Variants in CORIN observed in about 807,000 individuals in gnomAD.
CORIN encodes corin, serine peptidase, also known as atrial natriuretic peptide-converting enzyme.
In CORIN, 117 loss-of-function variants were observed where a neutral mutation model predicts 125.3. The ratio of observed to expected loss-of-function variants is 0.93; its 90% CI spans 0.80 to 1.09. The LOEUF is 1.09. CORIN is among the 50% of genes least tolerant of loss of function. The pLI is 0.00. For synonymous variants in CORIN, 450 were observed against 466.4 expected (o/e 0.96, Z 0.45); for missense variants, 1,253 against 1,306.7 (o/e 0.96, Z 0.63).
At chr4:47,662,001 G>C in intron 11 of CORIN, 145 bp from the exon 12 acceptor site, 1 of 749,300 alleles carries the variant, frequency 1.3e-6, no homozygotes, top group Non-Finnish European at 2.0e-6. Context: ...ATATATGATA[G>C]GTATTTGGGA....
chr4:47,767,874 T>C (rs1577905829), intron 3 of CORIN, among the ~76,000 whole-genome samples: 1 of 152,124 alleles, frequency 6.6e-6, no homozygotes, highest in African/African-American at 2.4e-5. Context: ...GACTGACTCA[T>C]GAAAAATCAG....
Position 47,594,572 on chromosome 4 carries a change from AT to A in CORIN, c.*1148del, listed in dbSNP as rs1331658330. Reference sequence around the variant, plus strand: ...AATGAGAAGAAACCAGATATTAAACATCTTTTGAGGAAAATTACAAAATGTT... The same window carrying A: ...AATGAGAAGAAACCAGATATTAAACACTTTTGAGGAAAATTACAAAATGTT... On this transcript the variant is annotated 3_prime_UTR_variant, in exon 22 of 22. Coordinates refer to ENST00000273857, the MANE Select transcript of CORIN (RefSeq NM_006587.4). 6.6e-6 allele frequency: 1 copy of A among 152,322 alleles called. No homozygotes were observed. Among genetic ancestry groups the A allele is most frequent in the Non-Finnish European group, 1.5e-5 (1 of 68,020 alleles). 9.4% of individuals were successfully genotyped at this position (152,322 alleles called of 1,614,324 possible). A position where few individuals can be genotyped will look rare whatever the true frequency, so the allele number is the denominator to read the frequency against.
chr4:47,632,725 T>TGATAGATAGATAGATA lies in CORIN; in HGVS notation c.2199-6220_2199-6205dup, dbSNP rs1553905875. Among the ~76,000 whole-genome samples, 617 of 126,756 alleles carry TGATAGATAGATAGATA rather than the reference T, an allele frequency of 4.9e-3. 4 individuals carry two copies. Among genetic ancestry groups the TGATAGATAGATAGATA allele is most frequent in the South Asian group, 6.5e-3 (26 of 4,012 alleles). The allele number at this position is 126,756 out of a possible 152,430, so 83.2% of individuals were successfully genotyped here. A position where few individuals can be genotyped will look rare whatever the true frequency, so the allele number is the denominator to read the frequency against. On this transcript the variant is annotated intron_variant, in intron 16 of 21. Transcript: ENST00000273857. ...TATTGCAATCCTAACTGACAATAGA[T>TGATAGATAGATAGATA]GATAGATAGATAGATAGATAGATAG... is the stretch of plus-strand genomic sequence containing the variant.
chr4:47,790,067 A>T (rs1386279325), intron 2 of CORIN, among the ~76,000 whole-genome samples: 1 of 152,216 alleles, frequency 6.6e-6, no homozygotes, highest in Non-Finnish European at 1.5e-5. Context: ...CCCAAAGTAG[A>T]GTATTTATTC....
chr4:47,596,617 C>T (rs1721259750), intron 21 of CORIN, among the ~76,000 whole-genome samples: 1 of 152,056 alleles, frequency 6.6e-6, no homozygotes, highest in Non-Finnish European at 1.5e-5. Context: ...TTAGAGATAG[C>T]AATACTTGCT....
chr4:47,805,514 C>A (rs1731756300), intron 2 of CORIN, among the ~76,000 whole-genome samples: 1 of 152,126 alleles, frequency 6.6e-6, no homozygotes, highest in African/African-American at 2.4e-5. Flanking sequence ...AGAGTCAGAG[C>A]CCCGAACTGG....
At chr4:47,699,274 T>C (rs746774352) in intron 5 of CORIN, among the ~76,000 whole-genome samples, 19 of 152,208 alleles carry the variant, frequency 1.2e-4, no homozygotes, top group Non-Finnish European at 2.6e-4. Flanking sequence ...ATCCCATCAT[T>C]AAATGTGGCT....
intron 21 of CORIN, among the ~76,000 whole-genome samples, chr4:47,599,654 T>C (rs1355715386): frequency 6.6e-6 from 1 of 152,194 alleles, no homozygotes; most frequent in African/African-American, 2.4e-5. Flanking sequence ...CCATGAATCC[T>C]GAGTATCTAA....
At chr4:47,758,158 C>T (rs1408479689) in intron 4 of CORIN, among the ~76,000 whole-genome samples, 3 of 151,966 alleles carry the variant, frequency 2.0e-5, no homozygotes, top group Non-Finnish European at 4.4e-5. Flanking sequence ...TCGTGATCTG[C>T]TCGCCTGGCC....
At chr4:47,816,477 A>C (rs1401108286) in intron 1 of CORIN, among the ~76,000 whole-genome samples, 2 of 152,204 alleles carry the variant, frequency 1.3e-5, no homozygotes, top group East Asian at 3.8e-4. Flanking sequence ...ATAAAGATGA[A>C]GAAAACATAG....
intron 12 of CORIN, among the ~76,000 whole-genome samples, chr4:47,654,507 T>C (rs944038673): frequency 6.6e-6 from 1 of 152,104 alleles, no homozygotes; most frequent in Non-Finnish European, 1.5e-5. Context: ...AGAGAATCTG[T>C]GCACTTGTGG....
At chr4:47,825,643 G>C (rs1485651027) in intron 1 of CORIN, among the ~76,000 whole-genome samples, 1 of 137,922 alleles carries the variant, frequency 7.3e-6, no homozygotes, top group Non-Finnish European at 1.6e-5. Context: ...ACACTTACCA[G>C]AAAAAAAAAG....
chr4:47,645,275 G>A lies in CORIN; in HGVS notation c.1844-81C>T, dbSNP rs529148603. ...AATTCAATCAATGTAGAAAAATTAC[G>A]CTATAAAGGCATGATGTTGGCAGGG... On this transcript the variant is annotated intron_variant, in intron 13 of 21. Coordinates refer to ENST00000273857, the MANE Select transcript of CORIN (RefSeq NM_006587.4). The A allele has an allele frequency of 3.2e-5, 28 of 883,710 alleles. No homozygotes were observed. The South Asian group carries it at 3.7e-4, about 12-fold the overall frequency. The allele number at this position is 883,710 out of a possible 1,614,324, so 54.7% of individuals were successfully genotyped here.
In CORIN at chr4:47,625,277, T is replaced by C. The variant is rs182577054; in HGVS notation, c.2315+1128A>G. ...TAATAATTAGTTGTTATTTGTTAGATTGAAAACACATAGCTCTTAGGAATA... is the reference window on the plus strand; with the variant it reads ...TAATAATTAGTTGTTATTTGTTAGACTGAAAACACATAGCTCTTAGGAATA... On this transcript the variant is annotated intron_variant, in intron 17 of 21. Transcript: ENST00000273857. Among the ~76,000 whole-genome samples, 31 of 152,246 alleles carry C rather than the reference T, an allele frequency of 2.0e-4. No homozygotes were observed. The East Asian group carries it at 4.0e-3, about 20-fold the overall frequency.
chr4:47,670,625 G>C (rs1724707310), intron 10 of CORIN, among the ~76,000 whole-genome samples: 1 of 152,228 alleles, frequency 6.6e-6, no homozygotes, highest in Non-Finnish European at 1.5e-5. Flanking sequence ...TTGAGAGAGG[G>C]CCTGGGACAT....
chr4:47,623,094 C>CTA (rs1422298384), intron 19 of CORIN, among the ~76,000 whole-genome samples: 1,703 of 101,208 alleles, frequency 0.017, 21 homozygotes, highest in Middle Eastern at 0.048. Flanking sequence ...CTCTCTCTCT[C>CTA]TCTATATATA....
At chr4:47,739,455 T>C (rs1356649626) in intron 5 of CORIN, among the ~76,000 whole-genome samples, 1 of 151,988 alleles carries the variant, frequency 6.6e-6, no homozygotes, top group Non-Finnish European at 1.5e-5. Context: ...CAAAATATCC[T>C]TTCAAAATGA....
intron 5 of CORIN, among the ~76,000 whole-genome samples, chr4:47,726,265 A>G (rs1247210580): frequency 1.3e-5 from 2 of 152,140 alleles, no homozygotes; most frequent in African/African-American, 4.8e-5. Flanking sequence ...GAATGTTTAT[A>G]GCAGTAATTT....
intron 1 of CORIN, among the ~76,000 whole-genome samples, chr4:47,809,949 C>G (rs1731995355): frequency 6.6e-6 from 1 of 152,154 alleles, no homozygotes; most frequent in Admixed American, 6.5e-5. Flanking sequence ...CATCCTTAAG[C>G]TTTGTTTCAA....
Sources: allele counts gnomAD v4.1 joint callset (sites outside exome capture counted in the v4.1 genomes callset), GRCh38; gene constraint gnomAD v4.1.1; transcripts MANE v1.5; gene names NCBI Gene and HGNC (gene_info 2026-07-23, HGNC 2026-07-21).